Variants in UTRN observed in about 807,000 individuals in gnomAD.
The protein encoded by UTRN is dystrophin-related protein 1.
Under a neutral mutation model 463.9 loss-of-function variants are expected in UTRN, and 283 were observed. The observed-to-expected ratio is 0.61, with a 90% CI of 0.55 to 0.67. The LOEUF (loss-of-function observed/expected upper bound fraction) is 0.67, where lower values mean the gene tolerates loss of function less well. Among genes scored for constraint, UTRN ranks in the 30% least tolerant of loss-of-function variants. The pLI, the probability that UTRN is intolerant of heterozygous loss-of-function variation, is 0.00. For synonymous variants in UTRN, 1,442 were observed against 1,431.5 expected (o/e 1.01, Z -0.17); for missense variants, 3,922 against 4,084.3 (o/e 0.96, Z 1.08).
rs1220683074 is a variant in UTRN, at chr6:144,757,926, C to T, written c.8435-3C>T. The T allele has an allele frequency of 6.2e-7, 1 of 1,608,908 alleles. No homozygotes were observed. The highest frequency in any genetic ancestry group is 1.7e-5 in the Admixed American group (1 of 59,418). On this transcript the variant is annotated splice_polypyrimidine_tract_variant and splice_region_variant and intron_variant, in intron 57 of 74. Transcript: ENST00000367545. ...TTCCAATAATCTCCCTTTGTTTCCT[C>T]AGCGTCAGTCCAGCTGCCGTGGCAA...
chr6:144,666,380 A>G (rs2128675570), intron 51 of UTRN, among the ~76,000 whole-genome samples: 1 of 152,326 alleles, frequency 6.6e-6, no homozygotes, highest in African/African-American at 2.4e-5. Flanking sequence ...CAAAATGATT[A>G]CTACATTTCC....
At chr6:144,309,034 C>T (rs949067266) in intron 2 of UTRN, among the ~76,000 whole-genome samples, 1 of 152,154 alleles carries the variant, frequency 6.6e-6, no homozygotes, top group Non-Finnish European at 1.5e-5. Context: ...TTGCTAAATC[C>T]AGTAGCCTGT....
intron 51 of UTRN, among the ~76,000 whole-genome samples, chr6:144,621,435 C>T (rs1046639734): frequency 3.7e-4 from 30 of 82,054 alleles, no homozygotes; most frequent in Non-Finnish European, 1.2e-4. Flanking sequence ...CCTTCAGGGC[C>T]CATATCAAAT....
intron 51 of UTRN, among the ~76,000 whole-genome samples, chr6:144,594,497 C>A (rs1204702026): frequency 6.6e-6 from 1 of 152,120 alleles, no homozygotes; most frequent in Non-Finnish European, 1.5e-5. Context: ...GTGGACAAAA[C>A]AGTATTTGTA....
chr6:144,290,356 C>G (rs1804106552), intron 1 of UTRN, among the ~76,000 whole-genome samples: 1 of 152,166 alleles, frequency 6.6e-6, no homozygotes, highest in Non-Finnish European at 1.5e-5. Flanking sequence ...CCCCCTCTCC[C>G]AGGTAATTTT....
At chr6:144,812,183 T>C (rs1233604929) in intron 65 of UTRN, among the ~76,000 whole-genome samples, 1 of 150,392 alleles carries the variant, frequency 6.6e-6, no homozygotes, top group Non-Finnish European at 1.5e-5. Flanking sequence ...TATCTTGTTT[T>C]GTTTAAATTG....
intron 35 of UTRN, 124 bp from the exon 36 acceptor site, chr6:144,513,785 G>T: frequency 9.5e-7 from 1 of 1,055,920 alleles, no homozygotes; most frequent in Non-Finnish European, 1.3e-6. Flanking sequence ...TCTGCAGGAA[G>T]GTGAAAGCTC....
intron 23 of UTRN, 44 bp downstream of exon 23, chr6:144,462,910 A>G (rs2128562089): frequency 7.2e-7 from 1 of 1,391,630 alleles, no homozygotes; most frequent in Non-Finnish European, 1.0e-6. Context: ...TTACGGGGTA[A>G]ATAGTAATTA....
At chr6:144,399,556 A>G (rs1373613928) in intron 2 of UTRN, among the ~76,000 whole-genome samples, 1 of 152,212 alleles carries the variant, frequency 6.6e-6, no homozygotes, top group East Asian at 1.9e-4. Flanking sequence ...ACTTTCCTGA[A>G]TAATAAGCTG....
chr6:144,584,572 T>G (rs889582461), intron 51 of UTRN, among the ~76,000 whole-genome samples: 1 of 152,146 alleles, frequency 6.6e-6, no homozygotes, highest in African/African-American at 2.4e-5. Context: ...AGATGATGCT[T>G]ATATGGCAGC....
chr6:144,525,494 G>A (rs148491980), intron 41 of UTRN, among the ~76,000 whole-genome samples: 2 of 151,842 alleles, frequency 1.3e-5, no homozygotes, highest in Admixed American at 1.3e-4. Context: ...TAATAGCCTT[G>A]ATCTTTTGTA....
At chr6:144,797,056 T>G (rs575391687) in intron 63 of UTRN, among the ~76,000 whole-genome samples, 1 of 152,308 alleles carries the variant, frequency 6.6e-6, no homozygotes, top group East Asian at 1.9e-4. Context: ...AGCAATATGC[T>G]TTCTGTGTGA....
chr6:144,809,337 T>C (rs1157283313), intron 65 of UTRN, among the ~76,000 whole-genome samples: 1 of 152,122 alleles, frequency 6.6e-6, no homozygotes, highest in East Asian at 1.9e-4. Context: ...ATTTGTAGTT[T>C]GTGACTCCAT....
chr6:144,455,631 C>T (rs146026302), intron 19 of UTRN, among the ~76,000 whole-genome samples: 2 of 152,128 alleles, frequency 1.3e-5, no homozygotes, highest in East Asian at 3.9e-4. Flanking sequence ...GAAGTTGGTG[C>T]GAGGTGATGT....
At chr6:144,693,717 T>C (rs1384971036) in intron 52 of UTRN, among the ~76,000 whole-genome samples, 3 of 152,006 alleles carry the variant, frequency 2.0e-5, no homozygotes, top group African/African-American at 7.3e-5. Context: ...GTAGGAATGC[T>C]AGTGATTTTT....
intron 54 of UTRN, among the ~76,000 whole-genome samples, chr6:144,733,315 G>T (rs1788972225): frequency 6.6e-6 from 1 of 152,060 alleles, no homozygotes; most frequent in Non-Finnish European, 1.5e-5. Context: ...TCAGGAGATG[G>T]AGACCATCCT....
intron 50 of UTRN, among the ~76,000 whole-genome samples, chr6:144,571,436 C>T (rs1029506583): frequency 1.3e-5 from 2 of 152,142 alleles, no homozygotes; most frequent in Admixed American, 1.3e-4. Flanking sequence ...AGTCCCCTTC[C>T]TAGAGGCAAC....
intron 2 of UTRN, among the ~76,000 whole-genome samples, chr6:144,371,693 C>G (rs922236352): frequency 6.6e-6 from 1 of 152,230 alleles, no homozygotes; most frequent in Non-Finnish European, 1.5e-5. Flanking sequence ...CAGGCATGAG[C>G]CACTGCGCCT....
At position 144,547,064 on chromosome 6, in the gene UTRN, G is replaced by C. The variant is rs990768829; in HGVS notation, c.6596-1576G>C. On this transcript the variant is annotated intron_variant, in intron 46 of 74. Transcript: ENST00000367545. ...CAAATAATGTGCTGATGATAATAGT[G>C]TAGGCATCTTAACCTAGAGCTTCTC... Among the ~76,000 whole-genome samples, 33 of 152,224 alleles carry C rather than the reference G, an allele frequency of 2.2e-4. 1 individual carries two copies. Among genetic ancestry groups the C allele is most frequent in the Non-Finnish European group, 2.9e-5 (2 of 68,042 alleles).
Sources: gnomAD v4.1 joint callset for allele counts (sites outside exome capture counted in the v4.1 genomes callset) on GRCh38, gnomAD v4.1.1 for gene constraint, MANE v1.5 for transcripts, NCBI Gene and HGNC (gene_info 2026-07-23, HGNC 2026-07-21) for gene names.